The following MIPOL1 variants were observed in gnomAD, a reference collection of about 807,000 sequenced individuals.
The protein encoded by MIPOL1 is mirror-image polydactyly gene 1 protein.
In MIPOL1, 57 loss-of-function variants were observed where a neutral mutation model predicts 60.9. The ratio of observed to expected loss-of-function variants is 0.94; its 90% CI spans 0.76 to 1.17. MIPOL1 has a LOEUF of 1.17. MIPOL1 is among the 50% of genes most tolerant of loss of function. The pLI, the probability that MIPOL1 is intolerant of heterozygous loss-of-function variation, is 0.00. For synonymous variants in MIPOL1, 179 were observed against 168.8 expected (o/e 1.06, Z -0.47); for missense variants, 551 against 511.6 (o/e 1.08, Z -0.74).
chr14:37,365,493 G>C (rs2092440717), intron 9 of MIPOL1, among the ~76,000 whole-genome samples: 3 of 152,018 alleles, frequency 2.0e-5, no homozygotes, highest in African/African-American at 7.2e-5. Flanking sequence ...TCACTCTGTT[G>C]ATGTGATGTA....
At chr14:37,202,252 G>T (rs1965454008) in intron 1 of MIPOL1, among the ~76,000 whole-genome samples, 1 of 151,840 alleles carries the variant, frequency 6.6e-6, no homozygotes, top group Admixed American at 6.6e-5. Flanking sequence ...ATGTATAATT[G>T]TTTTTTTTAG....
At chr14:37,248,619 T>C (rs1973575236) in intron 3 of MIPOL1, among the ~76,000 whole-genome samples, 1 of 150,738 alleles carries the variant, frequency 6.6e-6, no homozygotes, top group Non-Finnish European at 1.5e-5. Context: ...GATACAGATA[T>C]CTATATCTAT....
At chr14:37,406,180 T>C (rs1215369093) in intron 10 of MIPOL1, among the ~76,000 whole-genome samples, 1 of 152,150 alleles carries the variant, frequency 6.6e-6, no homozygotes, top group Non-Finnish European at 1.5e-5. Flanking sequence ...TTAAACCTGC[T>C]TCACTAACTT....
rs1263389588 is a variant in MIPOL1, at chr14:37,500,116, G to A, written c.1240G>A (p.Val414Met). 2.5e-6 allele frequency: 4 copies of A among 1,607,272 alleles called. No individual in the cohort carries two copies. Among genetic ancestry groups the A allele is most frequent in the Non-Finnish European group, 1.7e-6 (2 of 1,177,128 alleles). The change falls in exon 12 of 13, where the codon GTG (valine) becomes ATG (methionine). Residue 414 changes from valine (V) to methionine (M), a missense_variant. By Grantham distance (21) the Val-to-Met change is conservative (BLOSUM62 1). Transcript: ENST00000684589. ...QLQHAREASQ[V>M]ANEKVQKLER... ...TCAACATGCCAGAGAGGCCTCCCAA[G>A]TGGCCAATGAAAAAGTTCAAAAGTA...
chr14:37,279,265 A>G (rs971385206), intron 6 of MIPOL1, among the ~76,000 whole-genome samples: 2 of 149,516 alleles, frequency 1.3e-5, no homozygotes, highest in African/African-American at 4.9e-5. Context: ...GACATACGAG[A>G]TGCAATTAAC....
chr14:37,420,225 A>G (rs2153548247), intron 10 of MIPOL1, among the ~76,000 whole-genome samples: 1 of 152,304 alleles, frequency 6.6e-6, no homozygotes, highest in East Asian at 1.9e-4. Flanking sequence ...AAGGAGGTAC[A>G]ATGGACAGAT....
chr14:37,282,153 A>C (rs1226335525), intron 6 of MIPOL1, among the ~76,000 whole-genome samples: 2 of 151,998 alleles, frequency 1.3e-5, no homozygotes, highest in East Asian at 3.8e-4. Flanking sequence ...ATTTTTCTGA[A>C]GTTTATTTTG....
intron 11 of MIPOL1, among the ~76,000 whole-genome samples, chr14:37,483,934 C>T (rs1464035274): frequency 6.6e-6 from 1 of 152,170 alleles, no homozygotes; most frequent in Non-Finnish European, 1.5e-5. Flanking sequence ...CCACAACTGT[C>T]CTGAAATTAT....
At chr14:37,253,588 G>A (rs2153366610) in intron 3 of MIPOL1, among the ~76,000 whole-genome samples, 1 of 151,800 alleles carries the variant, frequency 6.6e-6, no homozygotes, top group Non-Finnish European at 1.5e-5. Flanking sequence ...AGTAAATCGT[G>A]GTGATTGTCT....
chr14:37,439,233 A>T (rs954835526), intron 11 of MIPOL1, among the ~76,000 whole-genome samples: 6 of 152,226 alleles, frequency 3.9e-5, no homozygotes, highest in African/African-American at 1.4e-4. Flanking sequence ...GCTTGAATAA[A>T]TTTCACAAGA....
At chr14:37,294,037 A>G (rs570737482) in intron 7 of MIPOL1, among the ~76,000 whole-genome samples, 12 of 152,324 alleles carry the variant, frequency 7.9e-5, no homozygotes, top group Admixed American at 2.6e-4. Flanking sequence ...ACCCCCGAGT[A>G]GCCTAACTGG....
At chr14:37,288,501 C>T (rs1166665007) in intron 7 of MIPOL1, among the ~76,000 whole-genome samples, 5 of 151,916 alleles carry the variant, frequency 3.3e-5, no homozygotes, top group Non-Finnish European at 7.4e-5. Context: ...CAATAGCAAG[C>T]AGTTTGAAGA....
chr14:37,358,556 G>A (rs975299969), intron 9 of MIPOL1, among the ~76,000 whole-genome samples: 4 of 152,164 alleles, frequency 2.6e-5, no homozygotes, highest in African/African-American at 9.7e-5. Context: ...GTATCTCATT[G>A]TGGTTTTGAT....
At chr14:37,376,915 T>C (rs910572299) in intron 10 of MIPOL1, among the ~76,000 whole-genome samples, 3 of 152,218 alleles carry the variant, frequency 2.0e-5, no homozygotes, top group African/African-American at 7.2e-5. Context: ...GAATGAGAGC[T>C]TCTGTTGCTC....
intron 1 of MIPOL1, among the ~76,000 whole-genome samples, chr14:37,202,049 A>G (rs2139109435): frequency 6.6e-6 from 1 of 152,250 alleles, no homozygotes; most frequent in East Asian, 1.9e-4. Context: ...TGTCCGGTCT[A>G]GTATCCAACC....
chr14:37,512,863 T>C (rs1316857834), intron 12 of MIPOL1, among the ~76,000 whole-genome samples: 1 of 152,128 alleles, frequency 6.6e-6, no homozygotes, highest in Non-Finnish European at 1.5e-5. Flanking sequence ...TATTAATAAG[T>C]GGGAGGAGAC....
intron 9 of MIPOL1, among the ~76,000 whole-genome samples, chr14:37,319,598 G>T (rs1567449244): frequency 6.6e-6 from 1 of 152,122 alleles, no homozygotes; most frequent in Non-Finnish European, 1.5e-5. Context: ...AGGTGATGAG[G>T]TTCTAAACAA....
rs145740442 is a variant in MIPOL1 at position 37,379,159 on chromosome 14, T to C, written c.936+9535T>C. Among the ~76,000 whole-genome samples, 325 of 152,132 alleles carry C rather than the reference T, an allele frequency of 2.1e-3. 2 individuals are homozygous for C. Among genetic ancestry groups the C allele is most frequent in the Non-Finnish European group, 3.8e-3 (258 of 67,944 alleles). On this transcript the variant is annotated intron_variant, in intron 10 of 12. Coordinates refer to ENST00000684589, the MANE Select transcript of MIPOL1 (RefSeq NM_001388067.1). Reference sequence around the variant, plus strand: ...ATTGAGAGTCCAGAACTCAACCTCATACTTATGGTCAATTGACTTTTGAGA... The same window carrying C: ...ATTGAGAGTCCAGAACTCAACCTCACACTTATGGTCAATTGACTTTTGAGA...
At chr14:37,358,487 C>T (rs2091999612) in intron 9 of MIPOL1, among the ~76,000 whole-genome samples, 1 of 152,216 alleles carries the variant, frequency 6.6e-6, no homozygotes, top group East Asian at 1.9e-4. Flanking sequence ...TCCACATCCT[C>T]TCCAGCATCT....
Sources: gnomAD v4.1 joint callset for allele counts (sites outside exome capture counted in the v4.1 genomes callset) on GRCh38, gnomAD v4.1.1 for gene constraint, MANE v1.5 for transcripts, NCBI Gene and HGNC (gene_info 2026-07-23, HGNC 2026-07-21) for gene names.